Variants in SEPTIN7 observed in about 807,000 individuals in gnomAD.
The protein encoded by SEPTIN7 is septin-7.
Under a neutral mutation model 63.3 loss-of-function variants are expected in SEPTIN7, and 10 were observed. The observed-to-expected ratio is 0.16, with a 90% CI of 0.10 to 0.27. The LOEUF (loss-of-function observed/expected upper bound fraction) is 0.27. SEPTIN7 is among the 10% of genes least tolerant of loss of function. SEPTIN7 has a pLI of 1.00. For missense variants in SEPTIN7, 310 were observed against 521.0 expected (o/e 0.59, Z 3.94); for synonymous variants, 131 against 165.3 (o/e 0.79, Z 1.59).
intron 6 of SEPTIN7, among the ~76,000 whole-genome samples, chr7:35,874,763 T>A (rs1213055918): frequency 6.6e-6 from 1 of 152,150 alleles, no homozygotes. Context: ...CACTGCCAGA[T>A]TGTAGTGGAG....
chr7:35,913,947 G>A, the SEPTIN7 span, among the ~76,000 whole-genome samples: 2 of 152,292 alleles, frequency 1.3e-5, no homozygotes, highest in Non-Finnish European at 2.9e-5. Context: ...TTGAATTCAC[G>A]ATCAAGCAGC....
chr7:35,878,894 A>C (rs952009317), intron 6 of SEPTIN7, among the ~76,000 whole-genome samples: 11 of 152,204 alleles, frequency 7.2e-5, no homozygotes, highest in Non-Finnish European at 2.9e-5. Context: ...TGAGCTGTCT[A>C]TGAAGATTTG....
chr7:35,915,631 T>G, the SEPTIN7 span, among the ~76,000 whole-genome samples: 2 of 152,212 alleles, frequency 1.3e-5, no homozygotes, highest in African/African-American at 4.8e-5. Context: ...CTCATTTTGT[T>G]TGCTCTCCTT....
chr7:35,840,080 C>T (rs1369440142), intron 3 of SEPTIN7, among the ~76,000 whole-genome samples: 2 of 151,692 alleles, frequency 1.3e-5, no homozygotes, highest in East Asian at 3.9e-4. Flanking sequence ...GCAAATTGTT[C>T]CTTTCTTTTC....
intron 1 of SEPTIN7, among the ~76,000 whole-genome samples, chr7:35,827,588 T>TC (rs1783583953): frequency 6.6e-6 from 1 of 152,188 alleles, no homozygotes; most frequent in African/African-American, 2.4e-5. Context: ...CCTCCCAGGT[T>TC]CAAGTGATTC....
At chr7:35,823,738 T>C (rs1391305213) in intron 1 of SEPTIN7, among the ~76,000 whole-genome samples, 1 of 152,228 alleles carries the variant, frequency 6.6e-6, no homozygotes, top group East Asian at 1.9e-4. Context: ...AGATTTATGG[T>C]CTTCAGCCTT....
intron 11 of SEPTIN7, among the ~76,000 whole-genome samples, chr7:35,893,541 A>T (rs145652636): frequency 2.0e-5 from 3 of 152,118 alleles, no homozygotes; most frequent in African/African-American, 7.2e-5. Context: ...AGGTTATACT[A>T]TCTAAGGTTG....
At chr7:35,827,194 A>G (rs1302230873) in intron 1 of SEPTIN7, among the ~76,000 whole-genome samples, 4 of 152,210 alleles carry the variant, frequency 2.6e-5, no homozygotes, top group African/African-American at 9.7e-5. Flanking sequence ...TTCTTAAATG[A>G]CTAATGTTTG....
intron 3 of SEPTIN7, 56 bp from the exon 4 acceptor site, chr7:35,863,496 T>G (rs1785627522): frequency 6.7e-6 from 7 of 1,051,124 alleles, no homozygotes; most frequent in Non-Finnish European, 9.9e-6. Context: ...CTGTTGAATA[T>G]TTAAGATTGC....
chr7:35,863,532 T>C lies in SEPTIN7; in HGVS notation c.170-20T>C, dbSNP rs779627726. 1 of 1,455,710 alleles carries C rather than the reference T, an allele frequency of 6.9e-7. No individual in the cohort carries two copies. The highest frequency in any genetic ancestry group is 1.2e-5 in the South Asian group (1 of 86,462). 90.2% of individuals were successfully genotyped at this position (1,455,710 alleles called of 1,614,324 possible). On this transcript the variant is annotated intron_variant, in intron 3 of 13. Coordinates refer to ENST00000350320, the MANE Select transcript of SEPTIN7 (RefSeq NM_001788.6). ...GTAAAGTGGGTGAGTTTAACAGATA[T>C]TTTCCCTTATTTCTTTTAGGTGAAT...
intron 1 of SEPTIN7, among the ~76,000 whole-genome samples, chr7:35,812,594 G>A (rs141770498): frequency 7.9e-5 from 12 of 152,178 alleles, no homozygotes; most frequent in African/African-American, 2.6e-4. Flanking sequence ...AGGCTCCATT[G>A]CTTTTTAATT....
chr7:35,804,598 A>G (rs558913012), intron 1 of SEPTIN7, among the ~76,000 whole-genome samples: 3 of 152,310 alleles, frequency 2.0e-5, no homozygotes, highest in African/African-American at 7.2e-5. Context: ...TTGCTACTCA[A>G]TAGATACACC....
intron 3 of SEPTIN7, among the ~76,000 whole-genome samples, chr7:35,861,006 CTTCT>C (rs768936658): frequency 2.0e-5 from 3 of 151,980 alleles, no homozygotes; most frequent in Non-Finnish European, 2.9e-5. Flanking sequence ...GTTTAATTTT[CTTCT>C]TTCTTTTTTC....
intron 1 of SEPTIN7, among the ~76,000 whole-genome samples, chr7:35,808,906 T>C (rs533146545): frequency 6.6e-6 from 1 of 152,348 alleles, no homozygotes; most frequent in East Asian, 1.9e-4. Context: ...TCACTTGGGA[T>C]ATTGATCTCT....
intron 11 of SEPTIN7, among the ~76,000 whole-genome samples, chr7:35,892,050 A>G (rs1787682782): frequency 6.6e-6 from 1 of 152,222 alleles, no homozygotes; most frequent in South Asian, 2.1e-4. Flanking sequence ...CCACCATCAT[A>G]TATGCCATCC....
intron 12 of SEPTIN7, chr7:35,898,635 T>G: frequency 3.5e-6 from 1 of 286,976 alleles, no homozygotes; most frequent in Non-Finnish European, 6.5e-6. Flanking sequence ...TAATGAATTA[T>G]TAGTTATAAT....
chr7:35,888,584 C>T (rs1486854106), intron 10 of SEPTIN7, among the ~76,000 whole-genome samples: 1 of 151,882 alleles, frequency 6.6e-6, no homozygotes, highest in African/African-American at 2.4e-5. Flanking sequence ...TTTTGGCAGG[C>T]GAAGGTGGGA....
intron 3 of SEPTIN7, among the ~76,000 whole-genome samples, chr7:35,853,567 G>A (rs951200318): frequency 6.6e-6 from 1 of 152,146 alleles, no homozygotes; most frequent in Non-Finnish European, 1.5e-5. Flanking sequence ...CTTGGTAGAG[G>A]TATTTGTCAT....
At chr7:35,874,853 G>A (rs1457906341) in intron 6 of SEPTIN7, among the ~76,000 whole-genome samples, 2 of 152,002 alleles carry the variant, frequency 1.3e-5, no homozygotes, top group Non-Finnish European at 2.9e-5. Flanking sequence ...AACTGACTCT[G>A]ACTTAAAAGG....
Sources: allele counts gnomAD v4.1 joint callset (sites outside exome capture counted in the v4.1 genomes callset), GRCh38; gene constraint gnomAD v4.1.1; transcripts MANE v1.5; gene names NCBI Gene and HGNC (gene_info 2026-07-23, HGNC 2026-07-21).